The following OR4D10 variants were observed in gnomAD, a reference collection of about 807,000 sequenced individuals.
OR4D10 encodes the protein olfactory receptor family 4 subfamily D member 10, also known as olfactory receptor 4D10.
For synonymous variants in OR4D10, 188 were observed against 153.2 expected, an observed-to-expected ratio of 1.23 and a Z score of -1.68; for missense variants, 395 against 378.0, an observed-to-expected ratio of 1.04 and a Z score of -0.37.
In OR4D10 at chr11:59,478,125, C is replaced by A. The variant is rs762340580; in HGVS notation, c.696C>A (p.Gly232=). The A allele has an allele frequency of 1.2e-6, 2 of 1,614,102 alleles. No homozygotes were observed. Among genetic ancestry groups the A allele is most frequent in the Non-Finnish European group, 1.7e-6 (2 of 1,180,014 alleles). Residue 232 remains glycine (G), a synonymous_variant, in exon 3 of 3, where the codon GGC becomes GGA. Transcript: ENST00000530162. ...TACCCAAGTCTCAGGCAGGAGAGGG[C>A]AGGAGGAAAGCCATCTCCACCTGCA... ...LSLPKSQAGE[G]RRKAISTCTS...
Position 59,477,669 on chromosome 11 carries a change from G to A in OR4D10, c.240G>A (p.Lys80=). 1.2e-6 allele frequency: 2 copies of A among 1,614,094 alleles called. No homozygotes were observed. The highest frequency in any genetic ancestry group is 2.2e-5 in the South Asian group (2 of 91,076). The change falls in exon 3 of 3, where the codon AAG becomes AAA. Residue 80 remains lysine, a synonymous_variant. Coordinates refer to ENST00000530162, the MANE Select transcript of OR4D10 (RefSeq NM_001004705.2). ...GCTTCTCTTCCATCACAGTGCCCAA[G>A]GTTCTGGTGGACCTTCTGTCTGAAA... ...DICFSSITVP[K]VLVDLLSERK...
chr11:59,475,498 A>C (rs1341542489), intron 2 of OR4D10, among the ~76,000 whole-genome samples: 1 of 152,298 alleles, frequency 6.6e-6, no homozygotes, highest in East Asian at 1.9e-4. Context: ...CTGTGCTTCC[A>C]CAGCGCTATA....
Position 59,477,744 on chromosome 11 carries a change from C to A in OR4D10, c.315C>A (p.His105Gln), listed in dbSNP as rs752359039. 1 of 1,614,100 alleles carries A rather than the reference C, an allele frequency of 6.2e-7. No individual in the cohort carries two copies. The highest frequency in any genetic ancestry group is 2.2e-5 in the East Asian group (1 of 44,878). The change falls in exon 3 of 3, where the codon CAC (histidine) becomes CAA (glutamine). Residue 105 changes from histidine to glutamine, a missense_variant. Coordinates refer to ENST00000530162, the MANE Select transcript of OR4D10 (RefSeq NM_001004705.2). ...NHCFTQMFLF[H>Q]LIGGVDVFSL... is the part of the protein sequence containing the mutation. ...GCTTCACTCAGATGTTTCTATTCCA[C>A]CTTATTGGAGGGGTGGATGTATTTT...
intron 2 of OR4D10, among the ~76,000 whole-genome samples, chr11:59,476,340 G>C (rs972526599): frequency 3.9e-5 from 6 of 152,106 alleles, no homozygotes; most frequent in Non-Finnish European, 8.8e-5. Flanking sequence ...GCCTGAAATT[G>C]AGCATCAACA....
In OR4D10 at chr11:59,477,544, T is replaced by G. The variant is rs779855005; in HGVS notation, c.115T>G (p.Leu39Val). 8 of 1,614,202 alleles carry G rather than the reference T, an allele frequency of 5.0e-6. No homozygotes were observed. The highest frequency in any genetic ancestry group is 4.4e-5 in the South Asian group (4 of 91,086). The change falls in exon 3 of 3, where the codon TTG becomes GTG. Residue 39 changes from leucine to valine, a missense_variant. By Grantham distance (32) the Leu-to-Val change is conservative. Coordinates refer to ENST00000530162, the MANE Select transcript of OR4D10 (RefSeq NM_001004705.2). ...LFLLLVYVTT[L>V]LGNLLIMVTV... is the part of the protein sequence containing the mutation. The stretch of plus-strand genomic sequence containing the variant: ...CCTACTCTTGGTGTATGTGACAACT[T>G]TGCTGGGAAACCTCCTCATCATGGT...
Position 59,473,772 on chromosome 11 carries a change from C to T in OR4D10, c.-190C>T, listed in dbSNP as rs1030232583. ...AATGCTTCAGAGTTAAAATAATCAT[C>T]TCAATGACAGAAACAACAAAGGTGG... On this transcript the variant is annotated 5_prime_UTR_variant, in exon 2 of 3. Transcript: ENST00000530162. The T allele has an allele frequency of 8.5e-5, 13 of 152,224 alleles. No individual in the cohort carries two copies. Among genetic ancestry groups the T allele is most frequent in the African/African-American group, 2.9e-4 (12 of 41,534 alleles). 9.4% of individuals were successfully genotyped at this position (152,224 alleles called of 1,614,324 possible).
chr11:59,477,943 A>C lies in OR4D10; in HGVS notation c.514A>C (p.Asn172His), dbSNP rs201743090. Residue 172 changes from asparagine to histidine, a missense_variant, in exon 3 of 3, where the codon AAT becomes CAT. By Grantham distance (68) the Asn-to-His change is moderately conservative (BLOSUM62 1). Transcript: ENST00000530162. Reference protein sequence around the residue: ...LLLPLPFCGPNVLDTFYCDVH... With the variant: ...LLLPLPFCGPHVLDTFYCDVH... ...GCTCCCACTCCCTTTCTGCGGACCC[A>C]ATGTTCTTGACACTTTCTACTGTGA... is the stretch of plus-strand genomic sequence containing the variant. 346 of 1,613,902 alleles carry C rather than the reference A, an allele frequency of 2.1e-4. No individual in the cohort carries two copies. The highest frequency in any genetic ancestry group is 2.9e-4 in the Non-Finnish European group (339 of 1,180,006).
rs1363288708 is a variant in OR4D10 at position 59,478,559 on chromosome 11, A to G, written c.*194A>G. On this transcript the variant is annotated 3_prime_UTR_variant, in exon 3 of 3. Transcript: ENST00000530162. ...ATTCACACCTTCTAATTGAAAATAA[A>G]CCAGAGCTCCCTCCTCTTTACCACC... is the stretch of plus-strand genomic sequence containing the variant. The G allele has an allele frequency of 2.4e-6, 1 of 423,398 alleles. No individual in the cohort carries two copies. Among genetic ancestry groups the G allele is most frequent in the Non-Finnish European group, 4.1e-6 (1 of 243,284 alleles). The allele number at this position is 423,398 out of a possible 1,614,324, so 26.2% of individuals were successfully genotyped here.
In OR4D10 at chr11:59,477,510, A is replaced by C. The variant is rs764221536; in HGVS notation, c.81A>C (p.Leu27Phe). The C allele has an allele frequency of 6.2e-7, 1 of 1,613,844 alleles. No homozygotes were observed. The change falls in exon 3 of 3, where the codon TTA becomes TTC. Residue 27 changes from leucine (L) to phenylalanine (F), a missense_variant. Leu to Phe is a conservative substitution (Grantham distance 22, BLOSUM62 0). Coordinates refer to ENST00000530162, the MANE Select transcript of OR4D10 (RefSeq NM_001004705.2). ...LTQNREVSLVLFLFLLLVYVT... is the reference protein window; with the variant it reads ...LTQNREVSLVFFLFLLLVYVT... The stretch of plus-strand genomic sequence containing the variant: ...AGAATCGGGAAGTGAGCTTAGTCTT[A>C]TTTCTTTTCCTACTCTTGGTGTATG...
rs1340075633 is a variant in OR4D10 at position 59,477,655 on chromosome 11, A to G, written c.226A>G (p.Ile76Val). The G allele has an allele frequency of 6.2e-7, 1 of 1,614,102 alleles. No individual in the cohort carries two copies. Among genetic ancestry groups the G allele is most frequent in the Non-Finnish European group, 8.5e-7 (1 of 1,180,004 alleles). ...TATTGCCGATATCTGCTTCTCTTCC[A>G]TCACAGTGCCCAAGGTTCTGGTGGA... Reference protein sequence around the residue: ...LSIADICFSSITVPKVLVDLL... With the variant: ...LSIADICFSSVTVPKVLVDLL... Residue 76 changes from isoleucine (I) to valine (V), a missense_variant, in exon 3 of 3, where the codon ATC becomes GTC. Transcript: ENST00000530162.
rs749906180 is a variant in OR4D10, at chr11:59,477,877, T to C, written c.448T>C (p.Leu150=). Residue 150 remains leucine, a synonymous_variant, in exon 3 of 3, where the codon TTG becomes CTG. Coordinates refer to ENST00000530162, the MANE Select transcript of OR4D10 (RefSeq NM_001004705.2). The part of the protein sequence containing the change: ...HCIGLTVAAW[L]GGFVHSIVQI... ...CATTGGGCTCACAGTGGCTGCCTGG[T>C]TGGGGGGCTTTGTCCACTCCATCGT... 1.3e-5 allele frequency: 21 copies of C among 1,614,096 alleles called. No individual in the cohort carries two copies. The East Asian group carries it at 4.5e-4, about 34-fold the overall frequency.
chr11:59,478,314 G>A lies in OR4D10; in HGVS notation c.885G>A (p.Lys295=). ...LIYTLRNHEM[K]SAMRRLKRRL... ...ACACTCTGAGGAACCATGAGATGAA[G>A]TCAGCCATGAGGAGACTGAAGAGAA... The change falls in exon 3 of 3, where the codon AAG becomes AAA. Residue 295 remains lysine (K), a synonymous_variant. Transcript: ENST00000530162. The A allele has an allele frequency of 1.9e-6, 3 of 1,613,632 alleles. No homozygotes were observed. The highest frequency in any genetic ancestry group is 2.2e-5 in the South Asian group (2 of 91,030).
chr11:59,477,084 AG>A (rs1381197253), intron 2 of OR4D10, among the ~76,000 whole-genome samples, 177 bp from the exon 3 acceptor site: 1 of 152,228 alleles, frequency 6.6e-6, no homozygotes, highest in African/African-American at 2.4e-5. Flanking sequence ...AGCAGAATAA[AG>A]GGAGGAAAGA....
rs2134560772 is a variant in OR4D10, at chr11:59,478,149, C to T, written c.720C>T (p.Cys240=). The change falls in exon 3 of 3, where the codon TGC becomes TGT. Residue 240 remains cysteine, a synonymous_variant. Coordinates refer to ENST00000530162, the MANE Select transcript of OR4D10 (RefSeq NM_001004705.2). ...GCAGGAGGAAAGCCATCTCCACCTG[C>T]ACCTCCCACATCACTGTGGTGACCC... The part of the protein sequence containing the change: ...GEGRRKAIST[C]TSHITVVTLH... The T allele has an allele frequency of 2.5e-6, 4 of 1,614,160 alleles. No individual in the cohort carries two copies. Among genetic ancestry groups the T allele is most frequent in the Non-Finnish European group, 3.4e-6 (4 of 1,180,030 alleles).
Position 59,478,136 on chromosome 11 carries a change from C to T in OR4D10, c.707C>T (p.Ala236Val), listed in dbSNP as rs763077545. 29 of 1,614,004 alleles carry T rather than the reference C, an allele frequency of 1.8e-5. No individual in the cohort carries two copies. The highest frequency in any genetic ancestry group is 3.3e-5 in the Admixed American group (2 of 59,998). ...CAGGCAGGAGAGGGCAGGAGGAAAG[C>T]CATCTCCACCTGCACCTCCCACATC... ...KSQAGEGRRK[A>V]ISTCTSHITV... The change falls in exon 3 of 3, where the codon GCC becomes GTC. Residue 236 changes from alanine (A) to valine (V), a missense_variant. By Grantham distance (64) the Ala-to-Val change is moderately conservative. Transcript: ENST00000530162.
intron 2 of OR4D10, among the ~76,000 whole-genome samples, chr11:59,474,923 T>C (rs1406913962): frequency 1.3e-5 from 2 of 150,182 alleles, no homozygotes; most frequent in Non-Finnish European, 3.0e-5. Context: ...TAGCCGGGCG[T>C]GGTGGCGTTC....
chr11:59,478,008 C>A lies in OR4D10; in HGVS notation c.579C>A (p.Phe193Leu). ...RVLKLAHTDIFILELLMISNN... is the reference protein window; with the variant it reads ...RVLKLAHTDILILELLMISNN... The stretch of plus-strand genomic sequence containing the variant: ...TCAAACTGGCCCATACAGACATTTT[C>A]ATACTTGAACTACTAATGATTTCCA... The change falls in exon 3 of 3, where the codon TTC becomes TTA. Residue 193 changes from phenylalanine to leucine, a missense_variant. Phe to Leu is a conservative substitution (Grantham distance 22, BLOSUM62 0). Transcript: ENST00000530162. The A allele has an allele frequency of 6.2e-7, 1 of 1,614,142 alleles. No homozygotes were observed. Among genetic ancestry groups the A allele is most frequent in the South Asian group, 1.1e-5 (1 of 91,080 alleles).
intron 2 of OR4D10, among the ~76,000 whole-genome samples, chr11:59,474,986 G>A (rs769853502): frequency 8.0e-5 from 12 of 149,396 alleles, no homozygotes; most frequent in African/African-American, 2.0e-4. Flanking sequence ...GCGTGAACCC[G>A]GGAGGCGGAG....
intron 2 of OR4D10, among the ~76,000 whole-genome samples, chr11:59,476,683 T>A (rs1858911666): frequency 6.6e-6 from 1 of 152,096 alleles, no homozygotes; most frequent in Non-Finnish European, 1.5e-5. Context: ...CCACACAGAA[T>A]CCATCTGACA....
Sources: allele counts gnomAD v4.1 joint callset (sites outside exome capture counted in the v4.1 genomes callset), GRCh38; gene constraint gnomAD v4.1.1; transcripts MANE v1.5; gene names NCBI Gene and HGNC (gene_info 2026-07-23, HGNC 2026-07-21).